Variants in HSF2 observed in about 807,000 individuals in gnomAD.
HSF2 encodes heat shock factor protein 2.
In HSF2, 21 loss-of-function variants were observed where a neutral mutation model predicts 65.0. The observed-to-expected ratio is 0.32, with a 90% CI of 0.23 to 0.47. The LOEUF is 0.47. HSF2 is among the 20% of genes least tolerant of loss of function. The pLI is 1.00. For missense variants in HSF2, 499 were observed against 628.1 expected, an observed-to-expected ratio of 0.79 and a Z score of 2.20; for synonymous variants, 225 against 219.1, an observed-to-expected ratio of 1.03 and a Z score of -0.24.
chr6:122,425,051 T>C (rs1774310181), intron 10 of HSF2, among the ~76,000 whole-genome samples: 1 of 151,976 alleles, frequency 6.6e-6, no homozygotes, highest in African/African-American at 2.4e-5. Flanking sequence ...AACCAATGTG[T>C]ACCCCTATCC....
intron 5 of HSF2, among the ~76,000 whole-genome samples, chr6:122,418,946 G>A (rs1774178236): frequency 6.6e-6 from 1 of 152,156 alleles, no homozygotes; most frequent in East Asian, 1.9e-4. Context: ...TCTATAGCCA[G>A]GCAAGTTTGG....
intron 7 of HSF2, 97 bp from the exon 8 acceptor site, chr6:122,422,053 C>G (rs1009647736): frequency 9.9e-5 from 80 of 804,372 alleles, no homozygotes; most frequent in Non-Finnish European, 2.2e-5. Flanking sequence ...CCCCGAGATT[C>G]AGTAAATAGT....
intron 4 of HSF2, among the ~76,000 whole-genome samples, chr6:122,414,091 A>T (rs903528667): frequency 6.6e-6 from 1 of 152,170 alleles, no homozygotes; most frequent in Admixed American, 6.5e-5. Flanking sequence ...AAAGTAGGAC[A>T]CAAAAAAATC....
intron 1 of HSF2, among the ~76,000 whole-genome samples, chr6:122,410,975 C>T (rs1412394711): frequency 2.2e-5 from 3 of 138,294 alleles, no homozygotes; most frequent in Non-Finnish European, 4.7e-5. Flanking sequence ...GAGTATATAC[C>T]TAGGAATGGA....
At chr6:122,428,085 A>C in intron 11 of HSF2, 129 bp downstream of exon 11, 1 of 498,488 alleles carries the variant, frequency 2.0e-6, no homozygotes, top group East Asian at 3.4e-5. Context: ...ATGTGTGATC[A>C]AGATAATAAA....
intron 6 of HSF2, 65 bp from the exon 7 acceptor site, chr6:122,420,070 A>C: frequency 6.6e-7 from 1 of 1,515,888 alleles, no homozygotes; most frequent in South Asian, 1.3e-5. Flanking sequence ...TGGGTAAGTT[A>C]ATAGAGGGAG....
chr6:122,422,007 G>T, intron 7 of HSF2, 143 bp from the exon 8 acceptor site: 1 of 605,922 alleles, frequency 1.7e-6, no homozygotes, highest in South Asian at 2.1e-5. Flanking sequence ...TATTATGTAA[G>T]TTCCGTAAGA....
chr6:122,417,176 T>A (rs1774145542), intron 5 of HSF2, among the ~76,000 whole-genome samples: 1 of 151,570 alleles, frequency 6.6e-6, no homozygotes, highest in Non-Finnish European at 1.5e-5. Context: ...AGTGTGCAAG[T>A]GAAGGTTGAA....
Position 122,399,800 on chromosome 6 carries a change from C to G in HSF2, c.63C>G (p.Thr21=). The G allele has an allele frequency of 6.2e-7, 1 of 1,611,926 alleles. No homozygotes were observed. Among genetic ancestry groups the G allele is most frequent in the South Asian group, 1.1e-5 (1 of 90,746 alleles). ...LSKLWTLVEE[T]HTNEFITWSQ... ...AGCTGTGGACGCTTGTGGAGGAAAC[C>G]CACACTAACGAGTTCATCACCTGGA... The change falls in exon 1 of 13, where the codon ACC becomes ACG. Residue 21 remains threonine (T), a synonymous_variant. Transcript: ENST00000368455.
In HSF2 at chr6:122,422,777, C is replaced by G; in HGVS notation, c.890C>G (p.Pro297Arg). ...VEDDNEDEYA[P>R]VIQSGEQNEP... ...GATGACAATGAAGATGAGTATGCAC[C>G]TGTCATTCAGAGTGGAGAGCAGAAT... Residue 297 changes from proline (P) to arginine (R), a missense_variant, in exon 9 of 13, where the codon CCT becomes CGT. By Grantham distance (103) the Pro-to-Arg change is moderately radical. Coordinates refer to ENST00000368455, the MANE Select transcript of HSF2 (RefSeq NM_004506.4). 2 of 1,613,042 alleles carry G rather than the reference C, an allele frequency of 1.2e-6. No individual in the cohort carries two copies. Among genetic ancestry groups the G allele is most frequent in the African/African-American group, 1.3e-5 (1 of 74,978 alleles).
At chr6:122,415,705 A>G (rs931183966) in intron 4 of HSF2, among the ~76,000 whole-genome samples, 3 of 152,134 alleles carry the variant, frequency 2.0e-5, no homozygotes, top group Admixed American at 2.0e-4. Context: ...AGTAGCAGAT[A>G]CTACACTTAG....
intron 12 of HSF2, 27 bp downstream of exon 12, chr6:122,431,541 C>T (rs1185942036): frequency 7.5e-7 from 1 of 1,327,794 alleles, no homozygotes; most frequent in South Asian, 1.3e-5. Context: ...TATTCAGTCT[C>T]TGTAGGTTTT....
At chr6:122,412,093 G>A (rs1774010715) in intron 1 of HSF2, among the ~76,000 whole-genome samples, 1 of 151,606 alleles carries the variant, frequency 6.6e-6, no homozygotes, top group Admixed American at 6.6e-5. Context: ...TCTCATTGCT[G>A]GTTTAATGGA....
intron 7 of HSF2, among the ~76,000 whole-genome samples, chr6:122,421,643 T>C (rs1029199000): frequency 1.3e-5 from 2 of 151,992 alleles, no homozygotes; most frequent in African/African-American, 2.4e-5. Context: ...TAAAAAAAAA[T>C]CATTGCTAAA....
rs781236226 is a variant in HSF2, at chr6:122,422,904, T to G, written c.1017T>G (p.Asp339Glu). The stretch of plus-strand genomic sequence containing the variant: ...GCTCATCCAGTCTGACCTCAGAAGA[T>G]CCAGTGACCATGATGGATTCCATTT... Reference protein sequence around the residue: ...LNGSSSLTSEDPVTMMDSILN... With the variant: ...LNGSSSLTSEEPVTMMDSILN... The change falls in exon 9 of 13, where the codon GAT becomes GAG. Residue 339 changes from aspartate (D) to glutamate (E), a missense_variant. Physicochemically the swap from Asp to Glu is conservative, Grantham distance 45. This residue lies in a region of HSF2 where 349 missense variants were observed against 393.5 expected (regional missense o/e 0.89). Transcript: ENST00000368455. The G allele has an allele frequency of 1.2e-6, 2 of 1,613,592 alleles. No individual in the cohort carries two copies. Among genetic ancestry groups the G allele is most frequent in the Non-Finnish European group, 1.7e-6 (2 of 1,179,664 alleles).
At chr6:122,401,715 G>C (rs576052965) in intron 1 of HSF2, among the ~76,000 whole-genome samples, 39 of 152,304 alleles carry the variant, frequency 2.6e-4, no homozygotes, top group African/African-American at 9.1e-4. Context: ...TGAGATCACT[G>C]TGCCAGAGAC....
At chr6:122,416,380 T>G in intron 5 of HSF2, 84 bp downstream of exon 5, 1 of 786,550 alleles carries the variant, frequency 1.3e-6, no homozygotes, top group Non-Finnish European at 2.1e-6. Flanking sequence ...TTATTGAGTG[T>G]CTGTGATTGA....
At chr6:122,419,284 G>C in intron 6 of HSF2, 55 bp downstream of exon 6, 1 of 835,396 alleles carries the variant, frequency 1.2e-6, no homozygotes. Context: ...ACACTTTTTA[G>C]TGTTTAACCA....
intron 5 of HSF2, among the ~76,000 whole-genome samples, chr6:122,416,761 T>A (rs1182375872): frequency 6.6e-6 from 1 of 152,232 alleles, no homozygotes; most frequent in Non-Finnish European, 1.5e-5. Flanking sequence ...CAATGTATGC[T>A]GTTATTAGTC....
Sources: gnomAD v4.1 joint callset for allele counts (sites outside exome capture counted in the v4.1 genomes callset) on GRCh38, gnomAD v4.1.1 for gene constraint, gnomAD v4.1.1 regional missense constraint, MANE v1.5 for transcripts, NCBI Gene and HGNC (gene_info 2026-07-23, HGNC 2026-07-21) for gene names.